CHCHD6: variants seen among roughly 807,000 people sequenced by gnomAD.
The protein encoded by CHCHD6 is MICOS complex subunit MIC25.
CHCHD6 carries 28 observed loss-of-function variants against 32.3 expected under a neutral mutation model. The observed-to-expected ratio is 0.87, with a 90% CI of 0.64 to 1.19. The LOEUF (loss-of-function observed/expected upper bound fraction) is 1.19. Ranked by LOEUF, CHCHD6 falls within the 50% of genes most tolerant of loss-of-function variation. CHCHD6 has a pLI of 0.00. For missense variants in CHCHD6, 333 were observed against 307.0 expected, an observed-to-expected ratio of 1.08 and a Z score of -0.63; for synonymous variants, 122 against 117.5, an observed-to-expected ratio of 1.04 and a Z score of -0.25.
chr3:126,952,045 A>G (rs2078722900), intron 6 of CHCHD6, among the ~76,000 whole-genome samples: 1 of 152,218 alleles, frequency 6.6e-6, no homozygotes, highest in Non-Finnish European at 1.5e-5. Flanking sequence ...TGCTTCGCAC[A>G]TTGTGCAGTG....
chr3:126,830,765 C>T (rs1040720614), intron 4 of CHCHD6, among the ~76,000 whole-genome samples: 1 of 152,186 alleles, frequency 6.6e-6, no homozygotes, highest in African/African-American at 2.4e-5. Context: ...GCTGGATATT[C>T]ATGTCCTTTG....
chr3:126,779,901 T>C (rs1937849672), intron 4 of CHCHD6, among the ~76,000 whole-genome samples: 2 of 152,226 alleles, frequency 1.3e-5, no homozygotes, highest in South Asian at 4.1e-4. Context: ...TTTACTTCTC[T>C]TTAGCATCCA....
intron 5 of CHCHD6, among the ~76,000 whole-genome samples, chr3:126,878,690 A>G (rs1286547857): frequency 6.6e-6 from 1 of 152,270 alleles, no homozygotes; most frequent in Non-Finnish European, 1.5e-5. Flanking sequence ...GGCAAAAATC[A>G]TGAATTGGTC....
intron 5 of CHCHD6, among the ~76,000 whole-genome samples, chr3:126,899,489 C>G (rs924255333): frequency 1.2e-4 from 19 of 152,256 alleles, no homozygotes; most frequent in African/African-American, 4.3e-4. Context: ...ATTCATATAG[C>G]CCACGCGTTT....
intron 5 of CHCHD6, among the ~76,000 whole-genome samples, chr3:126,911,636 G>T (rs2078092239): frequency 6.6e-6 from 1 of 152,236 alleles, no homozygotes; most frequent in South Asian, 2.1e-4. Flanking sequence ...GGTAATCACC[G>T]CCACTTCTTG....
At chr3:126,732,170 G>A (rs1249261285) in intron 3 of CHCHD6, among the ~76,000 whole-genome samples, 10 of 149,896 alleles carry the variant, frequency 6.7e-5, no homozygotes, top group Non-Finnish European at 3.0e-5. Flanking sequence ...AAATGGTAAA[G>A]TAATGCCTGC....
At chr3:126,954,333 G>A (rs142130180) in intron 6 of CHCHD6, among the ~76,000 whole-genome samples, 1 of 152,266 alleles carries the variant, frequency 6.6e-6, no homozygotes, top group Non-Finnish European at 1.5e-5. Flanking sequence ...AGTGAGGAGG[G>A]GACACAGCCA....
At position 126,767,199 on chromosome 3, in the gene CHCHD6, A is replaced by G. The variant is rs1937408745; in HGVS notation, c.411+33977A>G. On this transcript the variant is annotated intron_variant, in intron 4 of 7. Transcript: ENST00000290913. The stretch of plus-strand genomic sequence containing the variant: ...ATTATCATACTGAATTCAGCCCCAA[A>G]GGCCATTTTGGTAATTGGCTGGCCA... 1.9e-6 allele frequency: 3 copies of G among 1,586,360 alleles called. No individual in the cohort carries two copies. The Admixed American group carries it at 5.0e-5, about 26-fold the overall frequency.
At chr3:126,757,890 A>G (rs1278944061) in intron 4 of CHCHD6, among the ~76,000 whole-genome samples, 1 of 152,222 alleles carries the variant, frequency 6.6e-6, no homozygotes, top group East Asian at 1.9e-4. Context: ...AGAAAGAGGA[A>G]GAAAAGGAAG....
intron 6 of CHCHD6, among the ~76,000 whole-genome samples, chr3:126,932,916 G>T (rs1422562008): frequency 6.6e-6 from 1 of 152,214 alleles, no homozygotes; most frequent in Non-Finnish European, 1.5e-5. Flanking sequence ...GTCCTAGGTT[G>T]CCCTATTTGA....
intron 1 of CHCHD6, among the ~76,000 whole-genome samples, chr3:126,710,896 T>G (rs1049089126): frequency 6.6e-5 from 10 of 152,204 alleles, no homozygotes; most frequent in African/African-American, 2.4e-4. Flanking sequence ...ACTGACTTCT[T>G]TTCCAGTCTG....
At chr3:126,748,294 C>G (rs1197355245) in intron 4 of CHCHD6, among the ~76,000 whole-genome samples, 1 of 152,114 alleles carries the variant, frequency 6.6e-6, no homozygotes, top group African/African-American at 2.4e-5. Context: ...TTGGCGTGAT[C>G]TCAGAAATTA....
At chr3:126,847,738 C>G (rs551466405) in intron 4 of CHCHD6, among the ~76,000 whole-genome samples, 54 of 151,900 alleles carry the variant, frequency 3.6e-4, no homozygotes, top group Non-Finnish European at 6.3e-4. Flanking sequence ...CATTCTCTCC[C>G]TCTCTCTCCT....
chr3:126,796,480 G>C (rs1307254894), intron 4 of CHCHD6, among the ~76,000 whole-genome samples: 1 of 152,038 alleles, frequency 6.6e-6, no homozygotes, highest in Non-Finnish European at 1.5e-5. Flanking sequence ...GGAGTGTTTT[G>C]TCATCTTCTT....
In CHCHD6 at chr3:126,756,396, C is replaced by T. The variant is rs184240905; in HGVS notation, c.411+23174C>T. Among the ~76,000 whole-genome samples the T allele has an allele frequency of 5.5e-4, 84 of 152,306 alleles. 1 individual carries two copies. The highest frequency in any genetic ancestry group is 6.8e-3 in the Middle Eastern group (2 of 294). ...CACAGGCTGCTGGAGAGCCTGGCCT[C>T]CTGAAGGGAGGGTGTCCACTTGTTT... On this transcript the variant is annotated intron_variant, in intron 4 of 7. Coordinates refer to ENST00000290913, the MANE Select transcript of CHCHD6 (RefSeq NM_032343.3).
intron 5 of CHCHD6, among the ~76,000 whole-genome samples, chr3:126,904,517 C>T (rs1317551250): frequency 6.6e-6 from 1 of 152,158 alleles, no homozygotes; most frequent in Admixed American, 6.5e-5. Flanking sequence ...CACAGCTATA[C>T]GCTTATCTGT....
chr3:126,856,277 G>A (rs1025595863), intron 5 of CHCHD6, among the ~76,000 whole-genome samples: 2 of 152,202 alleles, frequency 1.3e-5, no homozygotes, highest in African/African-American at 4.8e-5. Flanking sequence ...AAAACAAAGG[G>A]CCTCAATGCC....
chr3:126,897,546 GT>G (rs2107581130), intron 5 of CHCHD6, among the ~76,000 whole-genome samples: 1 of 152,290 alleles, frequency 6.6e-6, no homozygotes, highest in African/African-American at 2.4e-5. Context: ...GCAGTTCATG[GT>G]TTTGGGAGTC....
At chr3:126,838,318 G>A (rs900124203) in intron 4 of CHCHD6, among the ~76,000 whole-genome samples, 6 of 152,172 alleles carry the variant, frequency 3.9e-5, no homozygotes, top group Admixed American at 6.5e-5. Context: ...TTTCTGAGTT[G>A]CCTCTCCCTC....
Sources: gnomAD v4.1 joint callset for allele counts (sites outside exome capture counted in the v4.1 genomes callset) on GRCh38, gnomAD v4.1.1 for gene constraint, MANE v1.5 for transcripts, NCBI Gene and HGNC (gene_info 2026-07-23, HGNC 2026-07-21) for gene names.